Variants in VPS13B observed in about 807,000 individuals in gnomAD.
The protein encoded by VPS13B is vacuolar protein sorting 13 homolog B, also known as intermembrane lipid transfer protein VPS13B.
A neutral mutation model predicts 426.4 loss-of-function variants in VPS13B; 285 were observed. That is an observed-to-expected ratio of 0.67 (90% CI 0.61 to 0.74). The LOEUF is 0.74. VPS13B is among the 30% of genes least tolerant of loss of function. The probability of loss-of-function intolerance (pLI) is 0.00; values close to 1 mark genes in which losing one functional copy is unlikely to be tolerated. For missense variants in VPS13B, 4,537 were observed against 4,782.6 expected, an observed-to-expected ratio of 0.95 and a Z score of 1.51; for synonymous variants, 1,676 against 1,676.4, an observed-to-expected ratio of 1.00 and a Z score of 0.01.
chr8:99,768,144 T>C (rs551360658), intron 40 of VPS13B, among the ~76,000 whole-genome samples: 1 of 152,340 alleles, frequency 6.6e-6, no homozygotes, highest in Admixed American at 6.5e-5. Flanking sequence ...TTGGGTCATA[T>C]ACTATCATGT....
intron 8 of VPS13B, among the ~76,000 whole-genome samples, chr8:99,128,387 A>C (rs202225727): frequency 0.31 from 749 of 2,406 alleles, 9 homozygotes; most frequent in East Asian, 0.36. Context: ...ATACTGTCCC[A>C]AAAAAAAAAA....
intron 15 of VPS13B, among the ~76,000 whole-genome samples, chr8:99,159,456 C>T (rs1811526901): frequency 6.6e-6 from 1 of 152,210 alleles, no homozygotes; most frequent in South Asian, 2.1e-4. Context: ...TCATCAATGC[C>T]TGCTGTGGAG....
At chr8:99,863,811 G>A (rs1816959111) in intron 58 of VPS13B, among the ~76,000 whole-genome samples, 1 of 152,188 alleles carries the variant, frequency 6.6e-6, no homozygotes, top group South Asian at 2.1e-4. Context: ...GTGGGCTCAT[G>A]GGGTCTTTCT....
At chr8:99,049,960 T>A (rs913292478) in intron 3 of VPS13B, among the ~76,000 whole-genome samples, 1 of 151,972 alleles carries the variant, frequency 6.6e-6, no homozygotes, top group Non-Finnish European at 1.5e-5. Context: ...TTGATTCTGT[T>A]GCTGAGACTT....
At chr8:99,655,537 G>A (rs562296474) in intron 34 of VPS13B, among the ~76,000 whole-genome samples, 1 of 152,222 alleles carries the variant, frequency 6.6e-6, no homozygotes, top group South Asian at 2.1e-4. Flanking sequence ...CCGAGGAGGT[G>A]GGTTAGGATT....
intron 3 of VPS13B, among the ~76,000 whole-genome samples, chr8:99,052,768 A>G (rs190540751): frequency 6.6e-6 from 1 of 152,260 alleles, no homozygotes; most frequent in East Asian, 1.9e-4. Context: ...GGGAGGGTGT[A>G]TGTGTCGAAG....
intron 35 of VPS13B, among the ~76,000 whole-genome samples, chr8:99,664,567 G>T (rs1043164844): frequency 5.3e-5 from 8 of 151,950 alleles, no homozygotes; most frequent in Non-Finnish European, 8.8e-5. Context: ...AACATGCGGT[G>T]TTTGGGTTTT....
intron 19 of VPS13B, among the ~76,000 whole-genome samples, chr8:99,383,336 A>C (rs887498064): frequency 2.6e-5 from 4 of 152,166 alleles, no homozygotes; most frequent in Non-Finnish European, 5.9e-5. Context: ...TCAAATCATG[A>C]ATCAATTTTT....
At chr8:99,444,218 C>T (rs1234124639) in intron 23 of VPS13B, among the ~76,000 whole-genome samples, 1 of 152,026 alleles carries the variant, frequency 6.6e-6, no homozygotes, top group African/African-American at 2.4e-5. Context: ...CCTGCCTCAG[C>T]CTCCCGAGCA....
Position 99,642,320 on chromosome 8 carries a change from A to T in VPS13B, c.5730A>T (p.Ile1910=). Residue 1910 remains isoleucine (I), a synonymous_variant, in exon 34 of 62, where the codon ATA becomes ATT. Coordinates refer to ENST00000357162, the MANE Select transcript of VPS13B (RefSeq NM_152564.5). Reference sequence around the variant, plus strand: ...CATCTGCTAGACAAGCACTTGGTATAACTATTGTTCGGCAGCCTGGTCGAA... The same window carrying T: ...CATCTGCTAGACAAGCACTTGGTATTACTATTGTTCGGCAGCCTGGTCGAA... The part of the protein sequence containing the change: ...TRSSARQALG[I]TIVRQPGRRG... 1 of 1,614,174 alleles carries T rather than the reference A, an allele frequency of 6.2e-7. No homozygotes were observed. The highest frequency in any genetic ancestry group is 8.5e-7 in the Non-Finnish European group (1 of 1,180,014).
intron 19 of VPS13B, among the ~76,000 whole-genome samples, chr8:99,358,356 C>G (rs909525789): frequency 5.9e-5 from 9 of 152,076 alleles, no homozygotes. Flanking sequence ...ATAATTTGTA[C>G]CAGTGTCCCA....
chr8:99,636,648 A>G (rs190600745), intron 33 of VPS13B, among the ~76,000 whole-genome samples: 3 of 152,088 alleles, frequency 2.0e-5, no homozygotes, highest in South Asian at 4.1e-4. Context: ...TGCAGCTTTT[A>G]TATGGATTTT....
chr8:99,143,198 C>A, intron 13 of VPS13B, 33 bp downstream of exon 13: 1 of 1,612,198 alleles, frequency 6.2e-7, no homozygotes, highest in South Asian at 1.1e-5. Context: ...AATCTTTTGC[C>A]ATTTGTTTTG....
At chr8:99,284,839 G>A (rs1819351194) in intron 19 of VPS13B, among the ~76,000 whole-genome samples, 1 of 152,128 alleles carries the variant, frequency 6.6e-6, no homozygotes. Context: ...GGGCTTATAG[G>A]CGTGAGCCAC....
intron 6 of VPS13B, among the ~76,000 whole-genome samples, chr8:99,114,448 C>A (rs1487931227): frequency 1.3e-5 from 2 of 152,092 alleles, no homozygotes; most frequent in Non-Finnish European, 2.9e-5. Context: ...TTTTAAGGAG[C>A]TTTTAAAAAG....
At chr8:99,767,055 A>G (rs916574757) in intron 40 of VPS13B, 85 bp downstream of exon 40, 51 of 1,332,902 alleles carry the variant, frequency 3.8e-5, no homozygotes, top group Non-Finnish European at 4.8e-5. Flanking sequence ...CCCTCACTTA[A>G]CTGTATCTCA....
intron 33 of VPS13B, among the ~76,000 whole-genome samples, chr8:99,593,004 G>T (rs1826771625): frequency 6.6e-6 from 1 of 152,100 alleles, no homozygotes; most frequent in Admixed American, 6.6e-5. Context: ...ATAGGCATGG[G>T]CAAAGATTTC....
chr8:99,134,741 A>C lies in VPS13B; in HGVS notation c.1302+14A>C. On this transcript the variant is annotated intron_variant, in intron 9 of 61. Transcript: ENST00000357162. ...ACTACAGTTGAGGTAATCTTTCAATATTGAACCTGTATTTTTAAATATTTT... is the reference window on the plus strand; with the variant it reads ...ACTACAGTTGAGGTAATCTTTCAATCTTGAACCTGTATTTTTAAATATTTT... The C allele has an allele frequency of 6.4e-7, 1 of 1,568,998 alleles. No homozygotes were observed. The highest frequency in any genetic ancestry group is 1.1e-5 in the South Asian group (1 of 88,162).
At chr8:99,280,924 T>C (rs758621870) in intron 19 of VPS13B, among the ~76,000 whole-genome samples, 2 of 152,166 alleles carry the variant, frequency 1.3e-5, no homozygotes, top group Non-Finnish European at 2.9e-5. Context: ...CTATGGTTGA[T>C]CATACCCTTT....
Sources: gnomAD v4.1 joint callset for allele counts (sites outside exome capture counted in the v4.1 genomes callset) on GRCh38, gnomAD v4.1.1 for gene constraint, MANE v1.5 for transcripts, NCBI Gene and HGNC (gene_info 2026-07-23, HGNC 2026-07-21) for gene names.